The following AIMP2 variants were observed in gnomAD, a reference collection of about 807,000 sequenced individuals.
AIMP2 encodes the protein aminoacyl tRNA synthase complex-interacting multifunctional protein 2.
A neutral mutation model predicts 23.4 loss-of-function variants in AIMP2; 20 were observed. That is an observed-to-expected ratio of 0.85 (90% confidence interval 0.60 to 1.24). The LOEUF (loss-of-function observed/expected upper bound fraction) is 1.24, where lower values mean the gene tolerates loss of function less well. Among genes scored for constraint, AIMP2 ranks in the 50% most tolerant of loss-of-function variants. The pLI, the probability that AIMP2 is intolerant of heterozygous loss-of-function variation, is 0.00. For synonymous variants in AIMP2, 210 were observed against 170.4 expected (o/e 1.23, Z -1.81); for missense variants, 515 against 414.5 (o/e 1.24, Z -2.10).
intron 1 of AIMP2, among the ~76,000 whole-genome samples, chr7:6,009,964 A>ATATACATATATATATATATAT (rs1554310799): frequency 4.7e-5 from 2 of 42,956 alleles, no homozygotes; most frequent in African/African-American, 8.8e-5. Context: ...AAAAAAAAAA[A>ATATACATATATATATATATAT]AAAAAAAAAA....
intron 3 of AIMP2, among the ~76,000 whole-genome samples, chr7:6,018,573 C>T (rs949077244): frequency 6.6e-5 from 10 of 151,930 alleles, no homozygotes; most frequent in Non-Finnish European, 1.2e-4. Context: ...CAGGGGCTCA[C>T]GCCTGTAATC....
rs374110509 is a variant in AIMP2, at chr7:6,017,951, C to T, written c.480C>T (p.Ser160=). ...STVHTHSSVK[S]VPENLLKCFG... is the part of the protein sequence containing the mutation. ...TGCACACGCACTCCTCGGTCAAGAG[C>T]GTGCCTGAAAACCTTCTCAAGTGCT... The change falls in exon 3 of 4, where the codon AGC becomes AGT. Residue 160 remains serine (S), a synonymous_variant. Transcript: ENST00000223029. 4.0e-5 allele frequency: 64 copies of T among 1,613,912 alleles called. No homozygotes were observed. The highest frequency in any genetic ancestry group is 5.0e-5 in the Non-Finnish European group (59 of 1,180,030).
chr7:6,021,964 C>T (rs1787457519), intron 3 of AIMP2, among the ~76,000 whole-genome samples: 1 of 152,172 alleles, frequency 6.6e-6, no homozygotes, highest in Admixed American at 6.6e-5. Context: ...TCTACCTCCT[C>T]CACCTCTTCC....
intron 3 of AIMP2, among the ~76,000 whole-genome samples, chr7:6,019,999 C>T (rs1017395652): frequency 5.2e-5 from 7 of 134,126 alleles, no homozygotes; most frequent in African/African-American, 8.9e-5. Context: ...TCCAGCCTGG[C>T]GACAGAGCGA....
chr7:6,023,791 T>C lies in AIMP2; in HGVS notation c.*100T>C. 6.3e-7 allele frequency: 1 copy of C among 1,592,582 alleles called. No individual in the cohort carries two copies. The highest frequency in any genetic ancestry group is 8.6e-7 in the Non-Finnish European group (1 of 1,168,096). ...TTGTATTAGAGTCAGAGTCTTTTTA[T>C]TTAGGCCAGTTGTCAAGTGTCAATA... On this transcript the variant is annotated 3_prime_UTR_variant, in exon 4 of 4. Transcript: ENST00000223029.
Position 6,023,498 on chromosome 7 carries a change from G to A in AIMP2, c.770G>A (p.Arg257His), listed in dbSNP as rs145632958. Reference protein sequence around the residue: ...GSSKEKAAVFRSMNSALGKSP... With the variant: ...GSSKEKAAVFHSMNSALGKSP... The stretch of plus-strand genomic sequence containing the variant: ...AGTAAAGAAAAAGCCGCTGTTTTCC[G>A]CTCCATGAACTCTGCTCTTGGGAAG... The change falls in exon 4 of 4, where the codon CGC becomes CAC. Residue 257 changes from arginine (R) to histidine (H), a missense_variant. Physicochemically the swap from Arg to His is conservative, Grantham distance 29. Coordinates refer to ENST00000223029, the MANE Select transcript of AIMP2 (RefSeq NM_006303.4). 84 of 1,614,120 alleles carry A rather than the reference G, an allele frequency of 5.2e-5. No homozygotes were observed. The East Asian group carries it at 1.4e-3, about 28-fold the overall frequency.
rs536422941 is a variant in AIMP2, at chr7:6,019,409, C to T, written c.574+1364C>T. 4.7e-5 allele frequency among the ~76,000 whole-genome samples: 7 copies of T among 149,508 alleles called. No individual in the cohort carries two copies. The South Asian group carries it at 6.4e-4, about 14-fold the overall frequency. ...CTGAGGCAGGAGAATGGTGTGAACC[C>T]GGGAGGCAGAGGATGCAGTGAGCCG... On this transcript the variant is annotated intron_variant, in intron 3 of 3. Transcript: ENST00000223029.
chr7:6,009,633 C>A, intron 1 of AIMP2, 135 bp downstream of exon 1: 1 of 727,128 alleles, frequency 1.4e-6, no homozygotes, highest in Non-Finnish European at 1.9e-6. Flanking sequence ...CGGCCAGGGA[C>A]TCACTCAGAC....
At chr7:6,022,951 T>G (rs1787540234) in intron 3 of AIMP2, 2 of 230,352 alleles carry the variant, frequency 8.7e-6, no homozygotes, top group Non-Finnish European at 8.5e-6. Context: ...CAGAAGGCGA[T>G]TATGAGGCCA....
intron 1 of AIMP2, among the ~76,000 whole-genome samples, chr7:6,011,744 A>G (rs1186395501): frequency 2.0e-5 from 3 of 152,138 alleles, no homozygotes; most frequent in Non-Finnish European, 4.4e-5. Context: ...GGGCCCAGTC[A>G]CCCTCCAACT....
At position 6,009,344 on chromosome 7, in the gene AIMP2, C is replaced by T. The variant is rs1486030974; in HGVS notation, c.-20C>T. 1.2e-6 allele frequency: 2 copies of T among 1,611,822 alleles called. No homozygotes were observed. Among genetic ancestry groups the T allele is most frequent in the South Asian group, 1.1e-5 (1 of 91,002 alleles). ...CGTTGGCCTTTGGCACGCGCTACCCCCTTTTGCTTTGGTTCTGCCATGCCG... is the reference window on the plus strand; with the variant it reads ...CGTTGGCCTTTGGCACGCGCTACCCTCTTTTGCTTTGGTTCTGCCATGCCG... On this transcript the variant is annotated 5_prime_UTR_variant, in exon 1 of 4. Coordinates refer to ENST00000223029, the MANE Select transcript of AIMP2 (RefSeq NM_006303.4).
intron 3 of AIMP2, among the ~76,000 whole-genome samples, chr7:6,018,968 TACACACACACAC>T (rs59354100): frequency 1.3e-5 from 2 of 150,662 alleles, no homozygotes; most frequent in African/African-American, 4.9e-5. Context: ...TATCAAACCT[TACACACACACAC>T]ACACACACAC....
At chr7:6,016,706 T>C (rs536734314) in intron 2 of AIMP2, among the ~76,000 whole-genome samples, 1 of 152,272 alleles carries the variant, frequency 6.6e-6, no homozygotes, top group South Asian at 2.1e-4. Context: ...ATACAATATG[T>C]TCAGGGAACT....
intron 2 of AIMP2, among the ~76,000 whole-genome samples, chr7:6,016,540 CAG>C (rs969668492): frequency 8.5e-5 from 13 of 152,132 alleles, no homozygotes; most frequent in African/African-American, 1.4e-4. Flanking sequence ...ACCAGGCCCT[CAG>C]GGAGCCGGAG....
chr7:6,009,974 A>AAAATATATATATATATAT, intron 1 of AIMP2, among the ~76,000 whole-genome samples: 17 of 26,652 alleles, frequency 6.4e-4, no homozygotes, highest in East Asian at 7.4e-3. Flanking sequence ...AAAAAAAAAA[A>AAAATATATATATATATAT]ATATATATAT....
Position 6,023,757 on chromosome 7 carries a change from T to C in AIMP2, c.*66T>C. ...GGTGCTCTTTCATGCCTATTATCAGTAAGGGGACTTGTATTAGAGTCAGAG... is the reference window on the plus strand; with the variant it reads ...GGTGCTCTTTCATGCCTATTATCAGCAAGGGGACTTGTATTAGAGTCAGAG... On this transcript the variant is annotated 3_prime_UTR_variant, in exon 4 of 4. Transcript: ENST00000223029. 1 of 1,611,314 alleles carries C rather than the reference T, an allele frequency of 6.2e-7. No individual in the cohort carries two copies. The highest frequency in any genetic ancestry group is 8.5e-7 in the Non-Finnish European group (1 of 1,178,328).
At chr7:6,017,213 CAAATA>C (rs1215501397) in intron 2 of AIMP2, among the ~76,000 whole-genome samples, 2 of 151,974 alleles carry the variant, frequency 1.3e-5, no homozygotes, top group Non-Finnish European at 2.9e-5. Context: ...TTAAAAGGGA[CAAATA>C]AAAGTGTCAT....
chr7:6,016,048 C>T (rs1393205322), intron 2 of AIMP2, among the ~76,000 whole-genome samples: 1 of 152,194 alleles, frequency 6.6e-6, no homozygotes, highest in African/African-American at 2.4e-5. Flanking sequence ...CCCGGACTCT[C>T]TCTGATCACA....
At chr7:6,014,169 CTGT>C (rs996815264) in intron 1 of AIMP2, among the ~76,000 whole-genome samples, 9 of 151,414 alleles carry the variant, frequency 5.9e-5, no homozygotes, top group African/African-American at 2.2e-4. Flanking sequence ...CTATCCTTCC[CTGT>C]TGTTAAGACT....
Sources: gnomAD v4.1 joint callset for allele counts (sites outside exome capture counted in the v4.1 genomes callset) on GRCh38, gnomAD v4.1.1 for gene constraint, MANE v1.5 for transcripts, NCBI Gene and HGNC (gene_info 2026-07-23, HGNC 2026-07-21) for gene names.